Variants in SYNPO2 observed in about 807,000 individuals in gnomAD.
SYNPO2 encodes the protein synaptopodin 2.
In SYNPO2, 56 loss-of-function variants were observed where a neutral mutation model predicts 85.0. The observed-to-expected ratio is 0.66, with a 90% CI of 0.53 to 0.82. The LOEUF (loss-of-function observed/expected upper bound fraction) is 0.82, where lower values mean the gene tolerates loss of function less well. Ranked by LOEUF, SYNPO2 falls within the 40% of genes least tolerant of loss-of-function variation. The pLI is 0.00. For missense variants in SYNPO2, 1,575 were observed against 1,534.2 expected (o/e 1.03, Z -0.44); for synonymous variants, 602 against 591.1 (o/e 1.02, Z -0.27).
At chr4:118,990,679 G>C (rs1306843790) in intron 1 of SYNPO2, among the ~76,000 whole-genome samples, 2 of 152,134 alleles carry the variant, frequency 1.3e-5, no homozygotes, top group Non-Finnish European at 2.9e-5. Context: ...CGCAATCTCA[G>C]CTAACTGCAA....
At chr4:118,994,708 G>A (rs770322056) in intron 1 of SYNPO2, among the ~76,000 whole-genome samples, 32 of 152,184 alleles carry the variant, frequency 2.1e-4, no homozygotes, top group Non-Finnish European at 3.8e-4. Flanking sequence ...ATAACCACAA[G>A]CTTGGTAGAA....
chr4:118,987,348 T>C (rs1032459908), intron 1 of SYNPO2, among the ~76,000 whole-genome samples: 1 of 152,198 alleles, frequency 6.6e-6, no homozygotes, highest in Non-Finnish European at 1.5e-5. Context: ...TTAGTTATTC[T>C]TAATTTTACT....
intron 1 of SYNPO2, among the ~76,000 whole-genome samples, chr4:118,902,326 GA>G (rs1440701779): frequency 1.3e-5 from 2 of 152,124 alleles, no homozygotes; most frequent in African/African-American, 4.8e-5. Flanking sequence ...AGACATACCT[GA>G]GACTAAGTAA....
intron 1 of SYNPO2, among the ~76,000 whole-genome samples, chr4:118,881,809 C>T (rs188093543): frequency 1.3e-5 from 2 of 152,330 alleles, no homozygotes; most frequent in African/African-American, 4.8e-5. Context: ...TGCTACCGAG[C>T]ACCACCCCAC....
At position 119,030,065 on chromosome 4, in the gene SYNPO2, G is replaced by T. The variant is rs763148936; in HGVS notation, c.1290G>T (p.Glu430Asp). 3 of 1,614,140 alleles carry T rather than the reference G, an allele frequency of 1.9e-6. No individual in the cohort carries two copies. Among genetic ancestry groups the T allele is most frequent in the Non-Finnish European group, 2.5e-6 (3 of 1,180,026 alleles). ...ACGAGGAGGAAGAAGGTGACAAGGA[G>T]GATACATGTGAAGTAGCATTTCTTG... The part of the protein sequence containing the change: ...EADEEEEGDK[E>D]DTCEVAFLGA... Residue 430 changes from glutamate to aspartate, a missense_variant, in exon 4 of 5, where the codon GAG becomes GAT. Physicochemically the swap from Glu to Asp is conservative, Grantham distance 45 (BLOSUM62 2). This residue lies in a region of SYNPO2 where 1,508 missense variants were observed against 1,446.8 expected (regional missense o/e 1.04). Transcript: ENST00000307142.
chr4:119,038,593 C>T (rs1738609338), intron 4 of SYNPO2: 1 of 978,030 alleles, frequency 1.0e-6, no homozygotes, highest in South Asian at 4.7e-5. Flanking sequence ...AGTAGTGAAT[C>T]AGCACCTAGC....
At chr4:119,032,322 G>C in intron 4 of SYNPO2, 1 of 1,307,834 alleles carries the variant, frequency 7.6e-7, no homozygotes, top group Non-Finnish European at 9.8e-7. Flanking sequence ...GTAAGCAGGA[G>C]ACTTAGGATT....
intron 1 of SYNPO2, among the ~76,000 whole-genome samples, chr4:118,958,204 T>C (rs1034833662): frequency 2.6e-5 from 4 of 152,212 alleles, no homozygotes; most frequent in African/African-American, 9.6e-5. Context: ...ATGTGTCTTA[T>C]GTTCGCATTA....
chr4:118,965,581 T>C (rs1374860184), intron 1 of SYNPO2, among the ~76,000 whole-genome samples: 2 of 152,192 alleles, frequency 1.3e-5, no homozygotes, highest in African/African-American at 4.8e-5. Flanking sequence ...CTAGCCTCCA[T>C]AGAAGGCAAT....
At chr4:118,942,181 A>C (rs1578571064) in intron 1 of SYNPO2, among the ~76,000 whole-genome samples, 1 of 152,236 alleles carries the variant, frequency 6.6e-6, no homozygotes, top group East Asian at 1.9e-4. Flanking sequence ...ATTCCATCAA[A>C]ATATCAAAAC....
intron 1 of SYNPO2, among the ~76,000 whole-genome samples, chr4:118,879,292 A>C (rs917401913): frequency 1.1e-4 from 16 of 152,198 alleles, no homozygotes; most frequent in Non-Finnish European, 1.8e-4. Flanking sequence ...AGAAGTGCCA[A>C]TTCAGAGAGG....
At chr4:118,855,065 G>C (rs571320585) in intron 1 of SYNPO2, among the ~76,000 whole-genome samples, 3 of 151,696 alleles carry the variant, frequency 2.0e-5, no homozygotes, top group African/African-American at 7.3e-5. Flanking sequence ...TTAGCAAGTT[G>C]CAATGAATGA....
intron 2 of SYNPO2, 79 bp downstream of exon 2, chr4:119,023,660 T>A: frequency 7.1e-7 from 1 of 1,409,592 alleles, no homozygotes; most frequent in Non-Finnish European, 9.4e-7. Context: ...CATATATAAC[T>A]TGTCATTTAT....
At chr4:118,869,630 G>C (rs1731766168) in intron 1 of SYNPO2, among the ~76,000 whole-genome samples, 1 of 152,066 alleles carries the variant, frequency 6.6e-6, no homozygotes, top group Admixed American at 6.6e-5. Context: ...TCCTCTACTT[G>C]AAGGGCAGGA....
At chr4:118,945,095 T>C (rs1450436331) in intron 1 of SYNPO2, among the ~76,000 whole-genome samples, 1 of 152,252 alleles carries the variant, frequency 6.6e-6, no homozygotes, top group African/African-American at 2.4e-5. Context: ...TACTTAATGC[T>C]GTGCCAAGCA....
chr4:119,000,228 T>C (rs1322539122), intron 1 of SYNPO2, among the ~76,000 whole-genome samples: 1 of 152,124 alleles, frequency 6.6e-6, no homozygotes, highest in African/African-American at 2.4e-5. Context: ...AGCAAGACAC[T>C]GACACAGGTA....
At position 119,056,417 on chromosome 4, in the gene SYNPO2, C is replaced by T. The variant is rs75690464; in HGVS notation, c.3253-984C>T. ...AAAGATTTTTAAAAATTTAGCCAGG[C>T]ATAGTGGTGTGCACCTGTAGTCCCA... On this transcript the variant is annotated intron_variant, in intron 4 of 4. Coordinates refer to ENST00000307142, the MANE Select transcript of SYNPO2 (RefSeq NM_133477.3). 2.6e-3 allele frequency among the ~76,000 whole-genome samples: 392 copies of T among 152,078 alleles called. 1 individual carries two copies. The highest frequency in any genetic ancestry group is 0.024 in the Middle Eastern group (7 of 294).
Position 118,900,725 on chromosome 4 carries a change from ATATATATGTC to A in SYNPO2, c.105+11586_105+11595del, listed in dbSNP as rs1368009768. On this transcript the variant is annotated intron_variant, in intron 1 of 4. Coordinates refer to ENST00000307142, the MANE Select transcript of SYNPO2 (RefSeq NM_133477.3). ...TCTCTATATATATATATATATATAT[ATATATATGTC>A]TGTCTGTCTATCTATCTATCTATCT... Among the ~76,000 whole-genome samples the A allele has an allele frequency of 4.0e-3, 418 of 104,426 alleles. 3 individuals carry two copies. The highest frequency in any genetic ancestry group is 0.014 in the African/African-American group (402 of 29,408). The allele number at this position is 104,426 out of a possible 152,430, so 68.5% of individuals were successfully genotyped here. A position where few individuals can be genotyped will look rare whatever the true frequency, so the allele number is the denominator to read the frequency against.
At chr4:119,028,956 AT>A (rs1383881480) in intron 3 of SYNPO2, among the ~76,000 whole-genome samples, 1 of 151,648 alleles carries the variant, frequency 6.6e-6, no homozygotes, top group South Asian at 2.1e-4. Context: ...AATTTTAAAT[AT>A]TTTTATTTTT....
Sources: allele counts gnomAD v4.1 joint callset (sites outside exome capture counted in the v4.1 genomes callset), GRCh38; gene constraint gnomAD v4.1.1; regional missense constraint gnomAD v4.1.1; transcripts MANE v1.5; gene names NCBI Gene and HGNC (gene_info 2026-07-23, HGNC 2026-07-21).